The following AP3B1 variants were observed in gnomAD, a reference collection of about 807,000 sequenced individuals.
AP3B1 encodes the protein adaptor related protein complex 3 subunit beta 1, also known as AP-3 complex subunit beta-1.
AP3B1 carries 61 observed loss-of-function variants against 132.5 expected under a neutral mutation model. The observed-to-expected ratio is 0.46, with a 90% confidence interval of 0.37 to 0.57. The LOEUF (loss-of-function observed/expected upper bound fraction) is 0.57. AP3B1 is among the 20% of genes least tolerant of loss of function. The pLI is 0.00. For synonymous variants in AP3B1, 388 were observed against 438.3 expected (o/e 0.89, Z 1.43); for missense variants, 1,120 against 1,289.4 (o/e 0.87, Z 2.01).
At position 78,214,017 on chromosome 5, in the gene AP3B1, T is replaced by C. The variant is rs145631927; in HGVS notation, c.786+2038A>G. ...CTAGAGCACCCCTGCCCTGCTTGGC[T>C]CGTTCCTGTGGCAGTGCTAGCACAT... On this transcript the variant is annotated intron_variant, in intron 7 of 26. Transcript: ENST00000255194. Among the ~76,000 whole-genome samples, 537 of 152,342 alleles carry C rather than the reference T, an allele frequency of 3.5e-3. 3 individuals are homozygous for C. The highest frequency in any genetic ancestry group is 0.017 in the Middle Eastern group (5 of 294).
intron 6 of AP3B1, among the ~76,000 whole-genome samples, chr5:78,221,412 C>G (rs1255370007): frequency 6.6e-6 from 1 of 151,950 alleles, no homozygotes; most frequent in African/African-American, 2.4e-5. Context: ...TAAATACCCT[C>G]AAGAGAAGCA....
chr5:78,253,695 G>A (rs954667004), intron 2 of AP3B1, among the ~76,000 whole-genome samples: 2 of 152,140 alleles, frequency 1.3e-5, no homozygotes, highest in South Asian at 2.1e-4. Flanking sequence ...GGCCAGGCGC[G>A]GTGGCTCACG....
intron 7 of AP3B1, among the ~76,000 whole-genome samples, chr5:78,193,732 G>GTGTATATATATATATATATA (rs1340871803): frequency 3.4e-5 from 3 of 89,220 alleles, no homozygotes; most frequent in East Asian, 2.5e-4. Flanking sequence ...TTAAATATTT[G>GTGTATATATATATATATATA]TATATATTTT....
intron 22 of AP3B1, among the ~76,000 whole-genome samples, chr5:78,065,175 T>C (rs901631717): frequency 6.6e-6 from 1 of 152,150 alleles, no homozygotes; most frequent in Non-Finnish European, 1.5e-5. Context: ...GCCTTTTCCA[T>C]GGATCTGTGC....
intron 22 of AP3B1, among the ~76,000 whole-genome samples, chr5:78,056,933 T>C (rs886069669): frequency 6.6e-6 from 1 of 152,240 alleles, no homozygotes. Flanking sequence ...TTATTGGCTA[T>C]GGCAGCATTT....
At chr5:78,157,578 T>A (rs532422676) in intron 13 of AP3B1, among the ~76,000 whole-genome samples, 49 of 152,298 alleles carry the variant, frequency 3.2e-4, no homozygotes, top group African/African-American at 1.1e-3. Flanking sequence ...ATGAAATGAA[T>A]CTTATATAAT....
intron 26 of AP3B1, among the ~76,000 whole-genome samples, chr5:78,014,741 T>C (rs893074815): frequency 1.4e-4 from 22 of 152,190 alleles, no homozygotes; most frequent in African/African-American, 4.8e-4. Flanking sequence ...GACTGTGCAA[T>C]CACCAAATGG....
intron 7 of AP3B1, among the ~76,000 whole-genome samples, chr5:78,212,762 T>C (rs1017286568): frequency 7.9e-5 from 12 of 152,350 alleles, no homozygotes; most frequent in African/African-American, 2.6e-4. Flanking sequence ...CTTTACTACA[T>C]GGTGTTCCTT....
intron 22 of AP3B1, among the ~76,000 whole-genome samples, chr5:78,052,415 T>C (rs536112664): frequency 1.7e-4 from 26 of 152,354 alleles, no homozygotes; most frequent in African/African-American, 6.0e-4. Context: ...GCCTGTTCAC[T>C]AATAATGACT....
chr5:78,100,984 G>A lies in AP3B1; in HGVS notation c.2439C>T (p.Thr813=). The A allele has an allele frequency of 6.4e-7, 1 of 1,554,292 alleles. No individual in the cohort carries two copies. Among genetic ancestry groups the A allele is most frequent in the Non-Finnish European group, 8.9e-7 (1 of 1,129,408 alleles). Residue 813 remains threonine (T), a synonymous_variant, in exon 21 of 27, where the codon ACC becomes ACT. Transcript: ENST00000255194. ...CCAGATCTAGAAGTGAAACATCTTT[G>A]GTAAGAGGAGTTCTATCTTGCTTTG... The part of the protein sequence containing the change: ...KKTKQDRTPL[T]KDVSLLDLDD...
At chr5:78,237,207 A>G (rs1746913658) in intron 3 of AP3B1, among the ~76,000 whole-genome samples, 1 of 152,240 alleles carries the variant, frequency 6.6e-6, no homozygotes, top group South Asian at 2.1e-4. Context: ...TAATGAAAAA[A>G]ATTAAGAGCT....
chr5:78,131,941 CAATTATCA>C (rs1322602741), intron 15 of AP3B1, among the ~76,000 whole-genome samples: 1 of 152,106 alleles, frequency 6.6e-6, no homozygotes, highest in Non-Finnish European at 1.5e-5. Context: ...ACAGAAGACT[CAATTATCA>C]ATAAAAAATG....
intron 7 of AP3B1, among the ~76,000 whole-genome samples, chr5:78,193,392 T>C (rs2112437266): frequency 6.6e-6 from 1 of 152,104 alleles, no homozygotes; most frequent in South Asian, 2.1e-4. Flanking sequence ...ACAGAATAGT[T>C]AAATAAGACA....
At chr5:78,102,128 A>G (rs1168165729) in intron 20 of AP3B1, among the ~76,000 whole-genome samples, 1 of 152,094 alleles carries the variant, frequency 6.6e-6, no homozygotes, top group Non-Finnish European at 1.5e-5. Context: ...TGTGCTAATA[A>G]ATATTTTTGA....
intron 8 of AP3B1, among the ~76,000 whole-genome samples, chr5:78,180,204 T>A (rs1413494929): frequency 6.6e-6 from 1 of 152,074 alleles, no homozygotes; most frequent in African/African-American, 2.4e-5. Flanking sequence ...ACTAAACCAT[T>A]AGGTATTAGA....
intron 6 of AP3B1, among the ~76,000 whole-genome samples, chr5:78,225,175 T>C (rs897260612): frequency 1.3e-5 from 2 of 152,078 alleles, no homozygotes; most frequent in Non-Finnish European, 2.9e-5. Context: ...CTCAGTAGTT[T>C]TGAGAAATAT....
At chr5:78,093,767 T>G (rs1019933570) in intron 21 of AP3B1, among the ~76,000 whole-genome samples, 10 of 152,370 alleles carry the variant, frequency 6.6e-5, no homozygotes, top group Admixed American at 5.2e-4. Context: ...CAGTTCTAAA[T>G]GCTTTTACGT....
intron 22 of AP3B1, among the ~76,000 whole-genome samples, chr5:78,076,806 C>G (rs981982003): frequency 1.3e-5 from 2 of 152,110 alleles, no homozygotes; most frequent in Non-Finnish European, 2.9e-5. Flanking sequence ...TGGCAATAGT[C>G]CATGCATATT....
intron 11 of AP3B1, among the ~76,000 whole-genome samples, chr5:78,173,179 A>C (rs1345684667): frequency 6.6e-6 from 1 of 152,144 alleles, no homozygotes; most frequent in Admixed American, 6.5e-5. Flanking sequence ...ACTTCCAACT[A>C]TGTGGTCAAT....
Sources: gnomAD v4.1 joint callset for allele counts (sites outside exome capture counted in the v4.1 genomes callset) on GRCh38, gnomAD v4.1.1 for gene constraint, MANE v1.5 for transcripts, NCBI Gene and HGNC (gene_info 2026-07-23, HGNC 2026-07-21) for gene names.